The following RNF185 variants were observed in gnomAD, a reference collection of about 807,000 sequenced individuals.
RNF185 encodes the protein ring finger protein 185.
RNF185 carries 13 observed loss-of-function variants against 24.9 expected under a neutral mutation model. The ratio of observed to expected loss-of-function variants is 0.52; its 90% confidence interval spans 0.34 to 0.83. The LOEUF is 0.83. Among genes scored for constraint, RNF185 ranks in the 40% least tolerant of loss-of-function variants. The probability of loss-of-function intolerance (pLI) is 0.01; values close to 1 mark genes in which losing one functional copy is unlikely to be tolerated. For synonymous variants in RNF185, 79 were observed against 90.3 expected, an observed-to-expected ratio of 0.88 and a Z score of 0.71; for missense variants, 184 against 244.7, an observed-to-expected ratio of 0.75 and a Z score of 1.65.
At chr22:31,166,636 T>TTCC (rs1555880437) in intron 1 of RNF185, among the ~76,000 whole-genome samples, 1 of 150,108 alleles carries the variant, frequency 6.7e-6, no homozygotes, top group South Asian at 2.1e-4. Flanking sequence ...CTTCTTCTTC[T>TTCC]TCTTCCTCTT....
At chr22:31,196,597 T>G (rs2048207857) in intron 4 of RNF185, among the ~76,000 whole-genome samples, 1 of 152,168 alleles carries the variant, frequency 6.6e-6, no homozygotes, top group Non-Finnish European at 1.5e-5. Context: ...CCAGTATGGA[T>G]TTGGGATTTC....
intron 1 of RNF185, among the ~76,000 whole-genome samples, chr22:31,161,819 T>A (rs911191551): frequency 6.6e-6 from 1 of 151,154 alleles, no homozygotes; most frequent in Non-Finnish European, 1.5e-5. Context: ...ATGCATCATA[T>A]AAAAACAGTC....
At chr22:31,186,845 T>G (rs1236973048) in intron 1 of RNF185, among the ~76,000 whole-genome samples, 1 of 152,212 alleles carries the variant, frequency 6.6e-6, no homozygotes, top group East Asian at 1.9e-4. Flanking sequence ...TGATATATTC[T>G]GGACCATATT....
intron 1 of RNF185, among the ~76,000 whole-genome samples, chr22:31,179,716 A>G (rs943957753): frequency 2.0e-5 from 3 of 152,124 alleles, no homozygotes; most frequent in Non-Finnish European, 2.9e-5. Flanking sequence ...CTGACCTGTT[A>G]CTGTCCCTTA....
intron 1 of RNF185, among the ~76,000 whole-genome samples, chr22:31,169,334 C>G (rs1602788874): frequency 6.6e-6 from 1 of 152,154 alleles, no homozygotes; most frequent in Non-Finnish European, 1.5e-5. Flanking sequence ...TGCCATTTTA[C>G]TCTATTGGTA....
At chr22:31,169,117 C>T (rs1208626472) in intron 1 of RNF185, among the ~76,000 whole-genome samples, 6 of 152,086 alleles carry the variant, frequency 3.9e-5, no homozygotes, top group Non-Finnish European at 7.4e-5. Flanking sequence ...CACCATGTTG[C>T]CCAAGTTGGT....
intron 4 of RNF185, 82 bp from the exon 5 acceptor site, chr22:31,196,854 G>C: frequency 6.4e-7 from 1 of 1,573,926 alleles, no homozygotes; most frequent in Non-Finnish European, 8.6e-7. Context: ...CCCTGACCCT[G>C]TTGGTAAAGA....
chr22:31,171,687 G>C (rs2047931752), intron 1 of RNF185, among the ~76,000 whole-genome samples: 1 of 152,164 alleles, frequency 6.6e-6, no homozygotes, highest in African/African-American at 2.4e-5. Context: ...AGAAGTGAGA[G>C]GCTGGGCATG....
intron 6 of RNF185, among the ~76,000 whole-genome samples, chr22:31,202,275 AT>A (rs1280371338): frequency 6.6e-6 from 1 of 152,058 alleles, no homozygotes; most frequent in Non-Finnish European, 1.5e-5. Flanking sequence ...TTGAACTCTT[AT>A]CACAGTCTGA....
intron 5 of RNF185, among the ~76,000 whole-genome samples, chr22:31,200,705 AGTG>A (rs1415391395): frequency 2.0e-5 from 3 of 152,238 alleles, no homozygotes. Context: ...TCAGAGGTAA[AGTG>A]GAGTGGCTGC....
intron 1 of RNF185, among the ~76,000 whole-genome samples, chr22:31,164,583 CTTTTTTTTTTT>C (rs200649012): frequency 1.1e-5 from 1 of 91,734 alleles, no homozygotes; most frequent in South Asian, 3.6e-4. Context: ...TCCTCATTGT[CTTTTTTTTTTT>C]TTTTTTTTTT....
chr22:31,173,017 T>G (rs1382803080), intron 1 of RNF185, among the ~76,000 whole-genome samples: 1 of 152,230 alleles, frequency 6.6e-6, no homozygotes, highest in Non-Finnish European at 1.5e-5. Context: ...TGATTGAAAT[T>G]AAATCCCCTT....
chr22:31,165,673 G>T (rs1013826067), intron 1 of RNF185, among the ~76,000 whole-genome samples: 8 of 152,214 alleles, frequency 5.3e-5, no homozygotes, highest in Non-Finnish European at 7.3e-5. Context: ...ATGTGGAGTT[G>T]GAGTGGCCAT....
chr22:31,165,016 T>G (rs1923829460), intron 1 of RNF185, among the ~76,000 whole-genome samples: 1 of 152,134 alleles, frequency 6.6e-6, no homozygotes, highest in African/African-American at 2.4e-5. Flanking sequence ...GTTCAAGCGA[T>G]TCTCCTACCT....
chr22:31,194,642 T>C (rs1177606925), intron 3 of RNF185, among the ~76,000 whole-genome samples: 1 of 151,936 alleles, frequency 6.6e-6, no homozygotes, highest in Non-Finnish European at 1.5e-5. Context: ...ACAGGAGAAT[T>C]GCTTGAACCC....
intron 5 of RNF185, among the ~76,000 whole-genome samples, chr22:31,201,168 T>C (rs2048259996): frequency 6.6e-6 from 1 of 152,244 alleles, no homozygotes; most frequent in South Asian, 2.1e-4. Context: ...TACTAGCTAA[T>C]GTGGGACTAT....
intron 1 of RNF185, among the ~76,000 whole-genome samples, chr22:31,160,788 G>A (rs1923521718): frequency 6.6e-6 from 1 of 152,188 alleles, no homozygotes; most frequent in Admixed American, 6.5e-5. Context: ...AAACGGGGCA[G>A]TGTTTTTCAA....
intron 4 of RNF185, among the ~76,000 whole-genome samples, chr22:31,196,461 T>A (rs1189953497): frequency 2.6e-5 from 4 of 152,024 alleles, no homozygotes; most frequent in Non-Finnish European, 5.9e-5. Context: ...TTTGAGGGGG[T>A]GAGACTCAAA....
At chr22:31,189,193 T>C (rs1416835731) in intron 2 of RNF185, among the ~76,000 whole-genome samples, 1 of 148,018 alleles carries the variant, frequency 6.8e-6, no homozygotes, top group Non-Finnish European at 1.5e-5. Flanking sequence ...TTATTAAATT[T>C]TATAATTATA....
Sources: gnomAD v4.1 joint callset for allele counts (sites outside exome capture counted in the v4.1 genomes callset) on GRCh38, gnomAD v4.1.1 for gene constraint, MANE v1.5 for transcripts, NCBI Gene and HGNC (gene_info 2026-07-23, HGNC 2026-07-21) for gene names.